The following FARSB variants were observed in gnomAD, a reference collection of about 807,000 sequenced individuals.
FARSB encodes phenylalanine--tRNA ligase beta subunit.
FARSB carries 40 observed loss-of-function variants against 69.6 expected under a neutral mutation model. That is an observed-to-expected ratio of 0.57 (90% CI 0.45 to 0.75). FARSB has a LOEUF of 0.75. FARSB is among the 30% of genes least tolerant of loss of function. The pLI, the probability that FARSB is intolerant of heterozygous loss-of-function variation, is 0.00. For synonymous variants in FARSB, 235 were observed against 247.2 expected (o/e 0.95, Z 0.46); for missense variants, 632 against 722.9 (o/e 0.87, Z 1.44).
chr2:222,643,965 A>C (rs1323280938), intron 2 of FARSB, among the ~76,000 whole-genome samples: 2 of 152,234 alleles, frequency 1.3e-5, no homozygotes, highest in Non-Finnish European at 2.9e-5. Context: ...TTTCACTTGA[A>C]ATGATTACAA....
At chr2:222,613,956 G>C in intron 14 of FARSB, 28 bp from the exon 15 acceptor site, 1 of 1,288,072 alleles carries the variant, frequency 7.8e-7, no homozygotes, top group South Asian at 1.2e-5. Flanking sequence ...AAATTGCACT[G>C]ACCAAATAGG....
At chr2:222,624,677 C>T (rs778481433) in intron 11 of FARSB, 37 bp downstream of exon 11, 2 of 1,441,544 alleles carry the variant, frequency 1.4e-6, no homozygotes, top group Non-Finnish European at 1.9e-6. Context: ...CATACGTGTA[C>T]TTTGTTCTTG....
intron 16 of FARSB, among the ~76,000 whole-genome samples, chr2:222,594,852 G>A (rs1690370332): frequency 6.6e-6 from 1 of 152,180 alleles, no homozygotes; most frequent in South Asian, 2.1e-4. Flanking sequence ...ATACAAGAGA[G>A]TGAGGCAAGA....
chr2:222,625,714 T>C (rs1691251664), intron 10 of FARSB, among the ~76,000 whole-genome samples: 1 of 152,206 alleles, frequency 6.6e-6, no homozygotes, highest in African/African-American at 2.4e-5. Flanking sequence ...TAAACAGTTA[T>C]TATGAGCTGA....
At chr2:222,629,782 C>G (rs1485588197) in intron 9 of FARSB, among the ~76,000 whole-genome samples, 1 of 151,862 alleles carries the variant, frequency 6.6e-6, no homozygotes, top group Non-Finnish European at 1.5e-5. Context: ...ATTCTGTGAC[C>G]CAGTCTCAAG....
chr2:222,608,675 G>C (rs78824113), intron 15 of FARSB, among the ~76,000 whole-genome samples: 3,205 of 152,294 alleles, frequency 0.021, 51 homozygotes, highest in Non-Finnish European at 0.036. Flanking sequence ...CGCTCATTTA[G>C]AAAAGTTTCA....
intron 5 of FARSB, among the ~76,000 whole-genome samples, chr2:222,638,419 T>C (rs1691638461): frequency 6.6e-6 from 1 of 152,260 alleles, no homozygotes; most frequent in African/African-American, 2.4e-5. Flanking sequence ...GCAGATAATC[T>C]GGCTCAACCA....
At chr2:222,573,845 T>G (rs1348315513) in intron 16 of FARSB, among the ~76,000 whole-genome samples, 1 of 152,194 alleles carries the variant, frequency 6.6e-6, no homozygotes, top group Non-Finnish European at 1.5e-5. Flanking sequence ...AACGGGTACG[T>G]GTTCAAGTTT....
chr2:222,601,289 A>AT (rs1690551311), intron 15 of FARSB, among the ~76,000 whole-genome samples: 1 of 152,088 alleles, frequency 6.6e-6, no homozygotes, highest in South Asian at 2.1e-4. Flanking sequence ...AATAATAATA[A>AT]TTTTTTAAAG....
rs1304306072 is a variant in FARSB, at chr2:222,571,833, G to A, written c.*38C>T. 1 of 1,577,494 alleles carries A rather than the reference G, an allele frequency of 6.3e-7. No homozygotes were observed. Among genetic ancestry groups the A allele is most frequent in the Admixed American group, 1.8e-5 (1 of 56,406 alleles). On this transcript the variant is annotated 3_prime_UTR_variant, in exon 17 of 17. Transcript: ENST00000281828. ...TAAGGACACTAGGGGAGGAGAAAGGGACACCTGGGAAGAGAATCACACCAC... is the reference window on the plus strand; with the variant it reads ...TAAGGACACTAGGGGAGGAGAAAGGAACACCTGGGAAGAGAATCACACCAC...
chr2:222,588,895 T>C (rs544614917), intron 16 of FARSB, among the ~76,000 whole-genome samples: 1 of 152,194 alleles, frequency 6.6e-6, no homozygotes, highest in Non-Finnish European at 1.5e-5. Flanking sequence ...TCCATGCTCA[T>C]GGATAGGAAG....
chr2:222,597,054 A>G (rs982604103), intron 16 of FARSB, among the ~76,000 whole-genome samples: 1 of 152,132 alleles, frequency 6.6e-6, no homozygotes, highest in Non-Finnish European at 1.5e-5. Flanking sequence ...GCACCCTGAG[A>G]AAAAAAGCAC....
chr2:222,611,459 G>A (rs116218243), intron 15 of FARSB, among the ~76,000 whole-genome samples: 11,766 of 147,056 alleles, frequency 0.08, 670 homozygotes, highest in Non-Finnish European at 0.12. Context: ...GGGGGGGCGC[G>A]TGGGGGAGAC....
chr2:222,626,751 A>T (rs1691285632), intron 10 of FARSB, among the ~76,000 whole-genome samples: 1 of 152,156 alleles, frequency 6.6e-6, no homozygotes, highest in African/African-American at 2.4e-5. Flanking sequence ...TATTGAAAAG[A>T]GGCTGGATGC....
chr2:222,598,119 T>C (rs1574921629), intron 16 of FARSB, among the ~76,000 whole-genome samples: 5 of 152,238 alleles, frequency 3.3e-5, no homozygotes. Flanking sequence ...AAACTCCCTA[T>C]TGTTTTTCTG....
At chr2:222,584,602 C>T (rs1026367110) in intron 16 of FARSB, among the ~76,000 whole-genome samples, 33 of 152,140 alleles carry the variant, frequency 2.2e-4, no homozygotes, top group African/African-American at 7.7e-4. Context: ...CAAGGGATGC[C>T]GTGACAGACG....
At chr2:222,602,400 TA>T (rs1422929017) in intron 15 of FARSB, among the ~76,000 whole-genome samples, 7 of 152,058 alleles carry the variant, frequency 4.6e-5, no homozygotes, top group East Asian at 1.9e-4. Flanking sequence ...AAAGTTCATA[TA>T]AAAAAACAAT....
rs550426713 is a variant in FARSB, at chr2:222,578,682, C to CA, written c.1619-6661dup. Among the ~76,000 whole-genome samples the CA allele has an allele frequency of 1.5e-3, 229 of 150,914 alleles. 1 individual carries two copies. Among genetic ancestry groups the CA allele is most frequent in the Admixed American group, 0.013 (199 of 15,170 alleles). On this transcript the variant is annotated intron_variant, in intron 16 of 16. Transcript: ENST00000281828. ...TGAAACCCCATCTCTACTAAAAATA[C>CA]AAAAAAATTAGCTGGGGCCGGGCAC...
chr2:222,581,750 T>C (rs749893504), intron 16 of FARSB, among the ~76,000 whole-genome samples: 86 of 152,196 alleles, frequency 5.7e-4, no homozygotes, highest in Admixed American at 9.8e-4. Context: ...CTAGAGAAGA[T>C]TGACAAACCT....
Sources: gnomAD v4.1 joint callset for allele counts (sites outside exome capture counted in the v4.1 genomes callset) on GRCh38, gnomAD v4.1.1 for gene constraint, MANE v1.5 for transcripts, NCBI Gene and HGNC (gene_info 2026-07-23, HGNC 2026-07-21) for gene names.